Variants in GAS7 observed in about 807,000 individuals in gnomAD.
GAS7 encodes the protein growth arrest specific 7.
A neutral mutation model predicts 71.1 loss-of-function variants in GAS7; 28 were observed. The observed-to-expected ratio is 0.39, with a 90% CI of 0.29 to 0.54. GAS7 has a LOEUF of 0.54. Among genes scored for constraint, GAS7 ranks in the 20% least tolerant of loss-of-function variants. The pLI, the probability that GAS7 is intolerant of heterozygous loss-of-function variation, is 0.62. For synonymous variants in GAS7, 258 were observed against 245.8 expected, an observed-to-expected ratio of 1.05 and a Z score of -0.46; for missense variants, 436 against 627.8, an observed-to-expected ratio of 0.69 and a Z score of 3.27.
intron 1 of GAS7, among the ~76,000 whole-genome samples, chr17:10,039,192 T>C (rs2072814903): frequency 6.7e-6 from 1 of 149,658 alleles, no homozygotes; most frequent in Non-Finnish European, 1.5e-5. Flanking sequence ...CTGATGGAGA[T>C]GGTGGATTTC....
chr17:10,095,949 T>C (rs1004657516), intron 1 of GAS7, among the ~76,000 whole-genome samples: 16 of 152,186 alleles, frequency 1.1e-4, no homozygotes, highest in African/African-American at 3.6e-4. Flanking sequence ...TCCACCTTCC[T>C]GTTCCTCCTC....
chr17:10,060,255 T>TCGAGAGGCCACCAGCTAGC (rs1244445206), intron 1 of GAS7, among the ~76,000 whole-genome samples: 7 of 151,618 alleles, frequency 4.6e-5, no homozygotes, highest in South Asian at 2.1e-4. Flanking sequence ...TAACGAAGAG[T>TCGAGAGGCCACCAGCTAGC]CGAGAGGCCA....
chr17:10,063,968 C>T (rs952018897), intron 1 of GAS7, among the ~76,000 whole-genome samples: 12 of 152,162 alleles, frequency 7.9e-5, no homozygotes, highest in Admixed American at 4.6e-4. Context: ...CCAAAGAGAG[C>T]ACCATTTTAG....
intron 8 of GAS7, among the ~76,000 whole-genome samples, chr17:9,934,693 G>A (rs1286551833): frequency 6.6e-6 from 1 of 152,150 alleles, no homozygotes; most frequent in East Asian, 1.9e-4. Flanking sequence ...AATAAATCAA[G>A]GAAGGAAAAC....
At chr17:9,946,737 C>CT (rs1240760247) in intron 6 of GAS7, among the ~76,000 whole-genome samples, 157 bp downstream of exon 6, 1 of 152,196 alleles carries the variant, frequency 6.6e-6, no homozygotes, top group Non-Finnish European at 1.5e-5. Flanking sequence ...CAAGAGGGTC[C>CT]TAAGTTCCTG....
At chr17:10,144,747 T>C (rs751042802) in intron 1 of GAS7, among the ~76,000 whole-genome samples, 8 of 152,050 alleles carry the variant, frequency 5.3e-5, no homozygotes, top group Non-Finnish European at 1.2e-4. Flanking sequence ...AGGATCTTGC[T>C]ATGTTGCCCA....
intron 8 of GAS7, among the ~76,000 whole-genome samples, chr17:9,936,473 T>C (rs185237283): frequency 7.2e-4 from 109 of 152,158 alleles, no homozygotes; most frequent in East Asian, 3.9e-4. Context: ...GGAAGAACCA[T>C]GGTTTTCCCC....
At chr17:10,078,031 C>T (rs906469920) in intron 1 of GAS7, among the ~76,000 whole-genome samples, 8 of 151,190 alleles carry the variant, frequency 5.3e-5, no homozygotes, top group Non-Finnish European at 7.4e-5. Context: ...ACAGTACATG[C>T]GGAAGTTTGT....
At chr17:10,017,421 C>T (rs574370846) in intron 2 of GAS7, among the ~76,000 whole-genome samples, 5 of 151,894 alleles carry the variant, frequency 3.3e-5, no homozygotes, top group Non-Finnish European at 5.9e-5. Flanking sequence ...TTCCACCTCA[C>T]GCGTTCAAGC....
intron 1 of GAS7, among the ~76,000 whole-genome samples, chr17:10,167,906 G>A (rs117413278): frequency 0.05 from 7,529 of 151,898 alleles, 240 homozygotes; most frequent in South Asian, 0.097. Context: ...GTCATGTTGC[G>A]CAGGCTGGTC....
chr17:10,121,131 A>C (rs534211001), intron 1 of GAS7, among the ~76,000 whole-genome samples: 9 of 152,346 alleles, frequency 5.9e-5, no homozygotes, highest in African/African-American at 2.2e-4. Flanking sequence ...CTGTAATCCC[A>C]GCACTTTGCG....
At position 10,142,010 on chromosome 17, in the gene GAS7, C is replaced by T. The variant is rs563874300; in HGVS notation, c.183+56198G>A. Among the ~76,000 whole-genome samples, 27 of 151,858 alleles carry T rather than the reference C, an allele frequency of 1.8e-4. No individual in the cohort carries two copies. In the South Asian group the frequency reaches 2.3e-3, roughly 13 times the overall value. ...TTGGGGGGCCGAGGTGGGCGGATCA[C>T]GAGGTCAGGAGATCAAGACCATCCT... On this transcript the variant is annotated intron_variant, in intron 1 of 13. Transcript: ENST00000432992.
chr17:10,013,323 A>G (rs955373879), intron 2 of GAS7, among the ~76,000 whole-genome samples: 3 of 152,164 alleles, frequency 2.0e-5, no homozygotes, highest in African/African-American at 7.2e-5. Flanking sequence ...TTGTTAGTGC[A>G]GCCTGCACAG....
chr17:10,049,775 C>T (rs1480071787), intron 1 of GAS7, among the ~76,000 whole-genome samples: 1 of 151,754 alleles, frequency 6.6e-6, no homozygotes, highest in African/African-American at 2.4e-5. Flanking sequence ...TGCCTGCCAC[C>T]ACGCCCAGCT....
intron 1 of GAS7, among the ~76,000 whole-genome samples, chr17:10,038,414 CT>C (rs1344835245): frequency 6.6e-6 from 1 of 152,164 alleles, no homozygotes; most frequent in Non-Finnish European, 1.5e-5. Flanking sequence ...GGATTGAGAA[CT>C]GTTGGAACCC....
At chr17:10,004,105 G>C (rs1753987173) in intron 2 of GAS7, among the ~76,000 whole-genome samples, 1 of 152,112 alleles carries the variant, frequency 6.6e-6, no homozygotes, top group African/African-American at 2.4e-5. Flanking sequence ...ACAATACTCA[G>C]GCAGGAAAGG....
intron 11 of GAS7, among the ~76,000 whole-genome samples, chr17:9,923,161 C>T (rs1479495983): frequency 6.6e-6 from 1 of 152,122 alleles, no homozygotes; most frequent in Non-Finnish European, 1.5e-5. Flanking sequence ...CCCGCCTGGG[C>T]CTCCCAAAGT....
intron 11 of GAS7, among the ~76,000 whole-genome samples, chr17:9,923,823 T>TA (rs1266158450): frequency 6.6e-6 from 1 of 152,200 alleles, no homozygotes; most frequent in Non-Finnish European, 1.5e-5. Context: ...GCAGGTACAA[T>TA]AACACAGCTT....
chr17:9,973,902 G>A (rs2070075981), intron 3 of GAS7, among the ~76,000 whole-genome samples: 1 of 152,150 alleles, frequency 6.6e-6, no homozygotes, highest in South Asian at 2.1e-4. Flanking sequence ...ATCTGAGTAG[G>A]TAATAAATCT....
Sources: gnomAD v4.1 joint callset for allele counts (sites outside exome capture counted in the v4.1 genomes callset) on GRCh38, gnomAD v4.1.1 for gene constraint, MANE v1.5 for transcripts, NCBI Gene and HGNC (gene_info 2026-07-23, HGNC 2026-07-21) for gene names.